The following SGCZ variants were observed in gnomAD, a reference collection of about 807,000 sequenced individuals.
SGCZ encodes sarcoglycan zeta.
In SGCZ, 40 loss-of-function variants were observed where a neutral mutation model predicts 41.3. The ratio of observed to expected loss-of-function variants is 0.97; its 90% CI spans 0.75 to 1.26. The LOEUF is 1.26. SGCZ is among the 50% of genes most tolerant of loss of function. The pLI, the probability that SGCZ is intolerant of heterozygous loss-of-function variation, is 0.00. For synonymous variants in SGCZ, 206 were observed against 137.5 expected, an observed-to-expected ratio of 1.50 and a Z score of -3.49; for missense variants, 552 against 369.8, an observed-to-expected ratio of 1.49 and a Z score of -4.04.
At chr8:14,141,950 A>C (rs2116926977) in intron 5 of SGCZ, among the ~76,000 whole-genome samples, 1 of 152,380 alleles carries the variant, frequency 6.6e-6, no homozygotes, top group Admixed American at 6.5e-5. Flanking sequence ...GATTAAGAAA[A>C]TGTGGCACAT....
At position 14,927,770 on chromosome 8, in the gene SGCZ, G is replaced by T. The variant is rs763304349; in HGVS notation, c.39+309815C>A. Among the ~76,000 whole-genome samples, 15 of 152,126 alleles carry T rather than the reference G, an allele frequency of 9.9e-5. No individual in the cohort carries two copies. In the East Asian group the frequency reaches 1.9e-3, roughly 20 times the overall value. ...CTTGAAAGCAAAATGCGTTGACTCG[G>T]CATGGTCTTGCCTTATTAAAGGGTT... On this transcript the variant is annotated intron_variant, in intron 1 of 7. Transcript: ENST00000382080.
At chr8:14,220,259 A>T (rs1274404256) in intron 4 of SGCZ, among the ~76,000 whole-genome samples, 1 of 152,222 alleles carries the variant, frequency 6.6e-6, no homozygotes, top group Non-Finnish European at 1.5e-5. Context: ...TTATGAATGG[A>T]ACTACCATGC....
chr8:14,206,901 T>C (rs1448617729), intron 4 of SGCZ, among the ~76,000 whole-genome samples: 1 of 152,148 alleles, frequency 6.6e-6, no homozygotes, highest in Non-Finnish European at 1.5e-5. Context: ...CACCTGGGAA[T>C]AGACCTGGTG....
At chr8:14,584,488 T>C (rs1429621910) in intron 1 of SGCZ, among the ~76,000 whole-genome samples, 1 of 152,110 alleles carries the variant, frequency 6.6e-6, no homozygotes, top group Non-Finnish European at 1.5e-5. Flanking sequence ...ACTACATATA[T>C]GCCATTAATG....
intron 3 of SGCZ, among the ~76,000 whole-genome samples, chr8:14,312,564 T>G (rs1406592409): frequency 6.6e-6 from 1 of 151,970 alleles, no homozygotes; most frequent in South Asian, 2.1e-4. Flanking sequence ...AGCTCCAGTG[T>G]GCGATAATCA....
intron 1 of SGCZ, among the ~76,000 whole-genome samples, chr8:14,862,436 T>C (rs1264258646): frequency 6.6e-6 from 1 of 151,114 alleles, no homozygotes; most frequent in Non-Finnish European, 1.5e-5. Flanking sequence ...CATGGTATAA[T>C]GCACGAATTA....
At chr8:14,744,342 A>T (rs1799283064) in intron 1 of SGCZ, among the ~76,000 whole-genome samples, 1 of 152,108 alleles carries the variant, frequency 6.6e-6, no homozygotes, top group Non-Finnish European at 1.5e-5. Flanking sequence ...TTGGGCCAAC[A>T]GGTCTATAGG....
intron 5 of SGCZ, among the ~76,000 whole-genome samples, chr8:14,124,919 C>T (rs1361419910): frequency 2.6e-5 from 4 of 152,050 alleles, no homozygotes; most frequent in Admixed American, 6.5e-5. Context: ...CCAAAAGTTC[C>T]TTAAACTGAT....
chr8:14,866,993 T>A (rs1803955446), intron 1 of SGCZ, among the ~76,000 whole-genome samples: 1 of 152,126 alleles, frequency 6.6e-6, no homozygotes, highest in Non-Finnish European at 1.5e-5. Context: ...TGTAGAGTGG[T>A]CTGATGGAAG....
intron 1 of SGCZ, among the ~76,000 whole-genome samples, chr8:14,734,199 C>T (rs1229201456): frequency 2.6e-5 from 4 of 151,536 alleles, no homozygotes; most frequent in African/African-American, 9.7e-5. Context: ...GGCAGCTGGC[C>T]GAAAAAGAAT....
intron 1 of SGCZ, among the ~76,000 whole-genome samples, chr8:14,912,868 C>A (rs1799317111): frequency 6.6e-6 from 1 of 152,070 alleles, no homozygotes. Flanking sequence ...TGTCTTCTTG[C>A]AACTGATCTG....
intron 1 of SGCZ, among the ~76,000 whole-genome samples, chr8:14,913,792 A>G (rs1464140197): frequency 6.6e-6 from 1 of 150,900 alleles, no homozygotes; most frequent in Non-Finnish European, 1.5e-5. Flanking sequence ...GGAAAATGGC[A>G]CCAGGCAAGA....
intron 1 of SGCZ, among the ~76,000 whole-genome samples, chr8:14,660,191 G>C (rs991498106): frequency 9.9e-5 from 15 of 152,170 alleles, no homozygotes; most frequent in African/African-American, 3.4e-4. Context: ...TCTGGCAGCA[G>C]AGACCTAACA....
At chr8:14,969,561 T>C (rs1413413176) in intron 1 of SGCZ, among the ~76,000 whole-genome samples, 1 of 151,966 alleles carries the variant, frequency 6.6e-6, no homozygotes, top group Non-Finnish European at 1.5e-5. Flanking sequence ...GCAACCCTAA[T>C]CTGCTTGATA....
At chr8:14,607,920 T>C (rs1410813336) in intron 1 of SGCZ, among the ~76,000 whole-genome samples, 1 of 152,204 alleles carries the variant, frequency 6.6e-6, no homozygotes, top group African/African-American at 2.4e-5. Context: ...AAAAATATGT[T>C]CAGGCCACTT....
chr8:14,543,560 G>T (rs1257223034), intron 2 of SGCZ, among the ~76,000 whole-genome samples: 2 of 152,028 alleles, frequency 1.3e-5, no homozygotes. Context: ...CTCCTTCCTT[G>T]TCCATGGTGC....
intron 2 of SGCZ, among the ~76,000 whole-genome samples, chr8:14,457,289 T>G (rs1800773281): frequency 6.6e-6 from 1 of 152,224 alleles, no homozygotes; most frequent in Admixed American, 6.5e-5. Flanking sequence ...CCTTCTGTTA[T>G]GCCCACACAG....
chr8:14,784,913 A>AAAATATATATATAT (rs1408574493), intron 1 of SGCZ, among the ~76,000 whole-genome samples: 15 of 88,016 alleles, frequency 1.7e-4, no homozygotes, highest in African/African-American at 7.0e-4. Context: ...AAAAAAAAAA[A>AAAATATATATATAT]ATATATATAT....
chr8:14,471,792 C>A lies in SGCZ; in HGVS notation c.234+82940G>T, dbSNP rs937492359. Among the ~76,000 whole-genome samples the A allele has an allele frequency of 3.7e-4, 57 of 152,184 alleles. 1 individual carries two copies. Among genetic ancestry groups the A allele is most frequent in the African/African-American group, 1.3e-3 (54 of 41,562 alleles). On this transcript the variant is annotated intron_variant, in intron 2 of 7. Coordinates refer to ENST00000382080, the MANE Select transcript of SGCZ (RefSeq NM_139167.4). Reference sequence around the variant, plus strand: ...CAAGTGTTAATTTAAACATGAAATACATATCTGCCAATAATTGCTATTATG... The same window carrying A: ...CAAGTGTTAATTTAAACATGAAATAAATATCTGCCAATAATTGCTATTATG...
Sources: gnomAD v4.1 joint callset for allele counts (sites outside exome capture counted in the v4.1 genomes callset) on GRCh38, gnomAD v4.1.1 for gene constraint, MANE v1.5 for transcripts, NCBI Gene and HGNC (gene_info 2026-07-23, HGNC 2026-07-21) for gene names.